TTN: variants seen among roughly 807,000 people sequenced by gnomAD.
The protein encoded by TTN is titin.
In TTN, 1,525 loss-of-function variants were observed where a neutral mutation model predicts 3,223.0. The observed-to-expected ratio is 0.47, with a 90% CI of 0.45 to 0.49. The LOEUF (loss-of-function observed/expected upper bound fraction) is 0.49, where lower values mean the gene tolerates loss of function less well. Ranked by LOEUF, TTN falls within the 20% of genes least tolerant of loss-of-function variation. The probability of loss-of-function intolerance (pLI) is 0.00; values close to 1 mark genes in which losing one functional copy is unlikely to be tolerated. For synonymous variants in TTN, 14,094 were observed against 15,161.0 expected (o/e 0.93, Z 5.17); for missense variants, 40,786 against 43,424.0 (o/e 0.94, Z 5.40).
In TTN at chr2:178,558,134, G is replaced by C. The variant is rs761409208; in HGVS notation, c.87220C>G (p.Pro29074Ala). The change falls in exon 328 of 363, where the codon CCC becomes GCC. Residue 29074 changes from proline (P) to alanine (A), a missense_variant. Coordinates refer to ENST00000589042, the MANE Select transcript of TTN (RefSeq NM_001267550.2). ...VDIPISGKPL[P>A]KVTLSRDGVP... The stretch of plus-strand genomic sequence containing the variant: ...CCATCTCTTGATAAGGTCACTTTGG[G>C]AAGTGGTTTTCCAGAGATTGGAATG... 17 of 1,613,752 alleles carry C rather than the reference G, an allele frequency of 1.1e-5. No individual in the cohort carries two copies. In the African/African-American group the frequency reaches 2.3e-4, roughly 22 times the overall value.
intron 316 of TTN, chr2:178,580,842 C>T (rs1230261046): frequency 3.9e-6 from 2 of 508,752 alleles, no homozygotes; most frequent in Non-Finnish European, 6.8e-6. Flanking sequence ...AGGATCTGTA[C>T]CTCCTCTTTC....
At position 178,542,691 on chromosome 2, in the gene TTN, G is replaced by T; in HGVS notation, c.97163C>A (p.Thr32388Asn). 1 of 1,613,712 alleles carries T rather than the reference G, an allele frequency of 6.2e-7. No individual in the cohort carries two copies. The change falls in exon 348 of 363, where the codon ACT becomes AAT. Residue 32388 changes from threonine (T) to asparagine (N), a missense_variant. By Grantham distance (65) the Thr-to-Asn change is moderately conservative. Coordinates refer to ENST00000589042, the MANE Select transcript of TTN (RefSeq NM_001267550.2). The part of the protein sequence containing the change: ...TLELKNVTGT[T>N]SETIKVIILD... The stretch of plus-strand genomic sequence containing the variant: ...AATGATAACTTTAATGGTTTCTGAA[G>T]TAGTTCCGGTAACATTCTTCAATTC...
Position 178,740,076 on chromosome 2 carries a change from C to A in TTN, c.13157G>T (p.Gly4386Val), listed in dbSNP as rs1386944652. Residue 4386 changes from glycine (G) to valine (V), a missense_variant, in exon 48 of 363, where the codon GGT (glycine) becomes GTT (valine). Transcript: ENST00000589042. Reference protein sequence around the residue: ...DLLSKESLLSGIPEEQRLNLK... With the variant: ...DLLSKESLLSVIPEEQRLNLK... Reference sequence around the variant, plus strand: ...GTTTAATCTCTGCTCTTCTGGAATACCAGAAAGCAAGCTTTCCTTAGAAAG... The same window carrying A: ...GTTTAATCTCTGCTCTTCTGGAATAACAGAAAGCAAGCTTTCCTTAGAAAG... The A allele has an allele frequency of 1.2e-6, 2 of 1,613,778 alleles. No individual in the cohort carries two copies. The highest frequency in any genetic ancestry group is 1.1e-5 in the South Asian group (1 of 91,072).
chr2:178,681,120 G>A lies in TTN; in HGVS notation c.33299C>T (p.Thr11100Ile). The A allele has an allele frequency of 6.2e-7, 1 of 1,604,238 alleles. No homozygotes were observed. The highest frequency in any genetic ancestry group is 8.5e-7 in the Non-Finnish European group (1 of 1,176,968). Residue 11100 changes from threonine (T) to isoleucine (I), a missense_variant, in exon 138 of 363, where the codon ACC becomes ATC. Transcript: ENST00000589042. Reference protein sequence around the residue: ...VFEEKIRISITKREKEQVTEP... With the variant: ...VFEEKIRISIIKREKEQVTEP... Reference sequence around the variant, plus strand: ...AGTCACCTGCTCTTTTTCACGTTTGGTAATTGAAATACGTATTTTTTCCTC... The same window carrying A: ...AGTCACCTGCTCTTTTTCACGTTTGATAATTGAAATACGTATTTTTTCCTC...
In TTN at chr2:178,584,572, G is replaced by T. The variant is rs1037246417; in HGVS notation, c.64979C>A (p.Pro21660His). The change falls in exon 311 of 363, where the codon CCT (proline) becomes CAT (histidine). Residue 21660 changes from proline to histidine, a missense_variant. By Grantham distance (77) the Pro-to-His change is moderately conservative. Coordinates refer to ENST00000589042, the MANE Select transcript of TTN (RefSeq NM_001267550.2). ...KMVAQFPFGV[P>H]SEPKNARVTK... ...GACTCGTGCATTCTTTGGTTCACTA[G>T]GAACACCTGGAGATGAAGACAAGGA... 4.3e-6 allele frequency: 7 copies of T among 1,611,596 alleles called. No homozygotes were observed. The highest frequency in any genetic ancestry group is 5.9e-6 in the Non-Finnish European group (7 of 1,178,544).
At position 178,531,600 on chromosome 2, in the gene TTN, A is replaced by G. The variant is rs1349541857; in HGVS notation, c.105015T>C (p.His35005=). ...CACGGTAGGTTCCACTGTCATCAGT[A>G]TGACAGTCCAGAATTTCCAGGGTGA... The part of the protein sequence containing the change: ...GVLTLEILDC[H]TDDSGTYRAV... The change falls in exon 358 of 363, where the codon CAT becomes CAC. Residue 35005 remains histidine (H), a synonymous_variant. Coordinates refer to ENST00000589042, the MANE Select transcript of TTN (RefSeq NM_001267550.2). The G allele has an allele frequency of 1.9e-6, 3 of 1,614,014 alleles. No homozygotes were observed. The highest frequency in any genetic ancestry group is 3.3e-5 in the Admixed American group (2 of 60,026).
At chr2:178,706,825 GAT>G (rs2075947650) in intron 101 of TTN, 35 bp downstream of exon 101, 1 of 1,608,860 alleles carries the variant, frequency 6.2e-7, no homozygotes, top group African/African-American at 1.3e-5. Context: ...AAAGGTATAA[GAT>G]AGATGAAGAT....
chr2:178,644,863 G>A, intron 217 of TTN: 1 of 394,694 alleles, frequency 2.5e-6, no homozygotes, highest in South Asian at 3.6e-5. Flanking sequence ...TTATTGGCAG[G>A]AGGAAGAAAT....
chr2:178,608,505 A>G (rs376769509), intron 274 of TTN, 28 bp from the exon 275 acceptor site: 13 of 1,561,998 alleles, frequency 8.3e-6, no homozygotes, highest in Non-Finnish European at 1.1e-5. Flanking sequence ...TTTGAAGTAA[A>G]TTTCCCAGTA....
intron 9 of TTN, among the ~76,000 whole-genome samples, chr2:178,792,637 C>T (rs570189886): frequency 9.9e-5 from 15 of 152,256 alleles, no homozygotes; most frequent in African/African-American, 3.6e-4. Context: ...TGCATTTATA[C>T]AATATTTTTG....
chr2:178,699,335 C>G (rs1256780373), intron 111 of TTN, among the ~76,000 whole-genome samples: 2 of 143,054 alleles, frequency 1.4e-5, no homozygotes, highest in Non-Finnish European at 3.0e-5. Flanking sequence ...ACCACGGTTC[C>G]TAATCATACT....
intron 134 of TTN, 39 bp from the exon 135 acceptor site, chr2:178,682,942 A>C (rs2069828135): frequency 1.3e-6 from 2 of 1,507,472 alleles, no homozygotes. Flanking sequence ...TTTACTTTAA[A>C]GCACTTTTAA....
Position 178,582,536 on chromosome 2 carries a change from T to C in TTN, c.65920A>G (p.Met21974Val), listed in dbSNP as rs370691527. 14 of 1,612,640 alleles carry C rather than the reference T, an allele frequency of 8.7e-6. No homozygotes were observed. The highest frequency in any genetic ancestry group is 2.7e-5 in the African/African-American group (2 of 74,820). Residue 21974 changes from methionine to valine, a missense_variant, in exon 314 of 363, where the codon ATG becomes GTG. Met to Val is a conservative substitution (Grantham distance 21). Transcript: ENST00000589042. The stretch of plus-strand genomic sequence containing the variant: ...TCAAGAGGCGGTTCCCAAGAAAGCA[T>C]AGCACGATCTGAATACATTTTGTTG... ...KINKMYSDRAMLSWEPPLEDG... is the reference protein window; with the variant it reads ...KINKMYSDRAVLSWEPPLEDG...
Position 178,535,833 on chromosome 2 carries a change from G to A in TTN, c.100782C>T (p.His33594=). ...SLEVEVPAKI[H]LPKTLEGMGA... The stretch of plus-strand genomic sequence containing the variant: ...CCATGCCTTCAAGAGTTTTAGGTAA[G>A]TGTATCTTAGCTGGAACTGTATCAG... The change falls in exon 358 of 363, where the codon CAC becomes CAT. Residue 33594 remains histidine, a synonymous_variant. Coordinates refer to ENST00000589042, the MANE Select transcript of TTN (RefSeq NM_001267550.2). The A allele has an allele frequency of 1.9e-6, 3 of 1,575,740 alleles. No homozygotes were observed. The highest frequency in any genetic ancestry group is 2.6e-6 in the Non-Finnish European group (3 of 1,161,634).
intron 129 of TTN, 46 bp downstream of exon 129, chr2:178,685,207 A>C: frequency 7.0e-7 from 1 of 1,431,990 alleles, no homozygotes. Context: ...GTATTATTAT[A>C]TACATTAAAA....
chr2:178,627,969 T>G (rs545033837), intron 240 of TTN, among the ~76,000 whole-genome samples: 3 of 152,172 alleles, frequency 2.0e-5, no homozygotes, highest in African/African-American at 4.8e-5. Flanking sequence ...AGCTTGAAGG[T>G]AGAGGTGCCT....
In TTN at chr2:178,590,839, T is replaced by G. The variant is rs755102239; in HGVS notation, c.60886A>C (p.Lys20296Gln). ...NAATVSWTLP[K>Q]SDGGSPITGY... ...GTTATTGGACTGCCACCATCAGATT[T>G]TGGCAGGGTCCAAGACACTGTTGCT... The change falls in exon 304 of 363, where the codon AAA becomes CAA. Residue 20296 changes from lysine (K) to glutamine (Q), a missense_variant. Transcript: ENST00000589042. 1 of 1,607,252 alleles carries G rather than the reference T, an allele frequency of 6.2e-7. No homozygotes were observed. The highest frequency in any genetic ancestry group is 8.5e-7 in the Non-Finnish European group (1 of 1,174,498).
Position 178,553,761 on chromosome 2 carries a change from C to G in TTN, c.89244G>C (p.Lys29748Asn). Reference protein sequence around the residue: ...PAKIRIADSTKSSITLGWSKP... With the variant: ...PAKIRIADSTNSSITLGWSKP... ...TACTCCAGCCAAGGGTGATGGATGA[C>G]TTGGTTGAATCTGCGATTCTTATCT... The change falls in exon 334 of 363, where the codon AAG (lysine) becomes AAC (asparagine). Residue 29748 changes from lysine (K) to asparagine (N), a missense_variant. Lys to Asn is a moderately conservative substitution (Grantham distance 94, BLOSUM62 0). Transcript: ENST00000589042. 6 of 1,608,948 alleles carry G rather than the reference C, an allele frequency of 3.7e-6. No individual in the cohort carries two copies. Among genetic ancestry groups the G allele is most frequent in the Non-Finnish European group, 5.1e-6 (6 of 1,176,700 alleles).
intron 123 of TTN, 52 bp from the exon 124 acceptor site, chr2:178,689,425 A>G: frequency 6.2e-7 from 1 of 1,607,708 alleles, no homozygotes; most frequent in Non-Finnish European, 8.5e-7. Flanking sequence ...CAAATAAATG[A>G]GCAACATAGA....
Sources: gnomAD v4.1 joint callset for allele counts (sites outside exome capture counted in the v4.1 genomes callset) on GRCh38, gnomAD v4.1.1 for gene constraint, MANE v1.5 for transcripts, NCBI Gene and HGNC (gene_info 2026-07-23, HGNC 2026-07-21) for gene names.